Variants in TMEM98 observed in about 807,000 individuals in gnomAD.
The protein encoded by TMEM98 is transmembrane protein 98.
TMEM98 carries 18 observed loss-of-function variants against 25.0 expected under a neutral mutation model. The ratio of observed to expected loss-of-function variants is 0.72; its 90% CI spans 0.50 to 1.07. The LOEUF is 1.07. TMEM98 is among the 50% of genes least tolerant of loss of function. TMEM98 has a pLI of 0.00. For missense variants in TMEM98, 241 were observed against 289.0 expected, an observed-to-expected ratio of 0.83 and a Z score of 1.20; for synonymous variants, 103 against 112.4, an observed-to-expected ratio of 0.92 and a Z score of 0.53.
chr17:32,933,760 G>C (rs1262868509), intron 4 of TMEM98, among the ~76,000 whole-genome samples: 6 of 152,194 alleles, frequency 3.9e-5, no homozygotes, highest in African/African-American at 1.4e-4. Context: ...AGGGTACTGG[G>C]TCAGGTGCTG....
intron 3 of TMEM98, 54 bp from the exon 4 acceptor site, chr17:32,933,120 G>A: frequency 6.2e-7 from 1 of 1,606,198 alleles, no homozygotes; most frequent in Admixed American, 1.7e-5. Context: ...GTGAGGAGAG[G>A]ATCAGCAGCG....
In TMEM98 at chr17:32,941,287, C is replaced by T. The variant is rs1304753342; in HGVS notation, c.*294C>T. 1 of 232,566 alleles carries T rather than the reference C, an allele frequency of 4.3e-6. No individual in the cohort carries two copies. Among genetic ancestry groups the T allele is most frequent in the African/African-American group, 2.3e-5 (1 of 44,362 alleles). 14.4% of individuals were successfully genotyped at this position (232,566 alleles called of 1,614,324 possible). ...CTTTATTTAGCTCACCTAGTGTTTT[C>T]AAGAAAATTGAGCCACCGTCTAAGA... On this transcript the variant is annotated 3_prime_UTR_variant, in exon 8 of 8. Coordinates refer to ENST00000579849, the MANE Select transcript of TMEM98 (RefSeq NM_015544.3).
chr17:32,931,430 C>T (rs959240099), intron 2 of TMEM98, 28 bp downstream of exon 2: 37 of 1,486,550 alleles, frequency 2.5e-5, no homozygotes, highest in Admixed American at 1.3e-4. Context: ...CACTCTCTTT[C>T]GTGGCTTCTT....
chr17:32,940,122 T>C (rs950410602), intron 7 of TMEM98, among the ~76,000 whole-genome samples: 2 of 151,892 alleles, frequency 1.3e-5, no homozygotes, highest in African/African-American at 2.4e-5. Flanking sequence ...CGGCAGTGGG[T>C]CACAGCGCTT....
intron 7 of TMEM98, 50 bp downstream of exon 7, chr17:32,939,586 A>G (rs748593597): frequency 1.9e-6 from 3 of 1,607,624 alleles, no homozygotes; most frequent in Admixed American, 1.7e-5. Flanking sequence ...GAGGTCCACA[A>G]CCGTTTTATC....
chr17:32,940,080 A>G (rs1028579484), intron 7 of TMEM98, among the ~76,000 whole-genome samples: 1 of 152,214 alleles, frequency 6.6e-6, no homozygotes, highest in Non-Finnish European at 1.5e-5. Flanking sequence ...GATTTATATG[A>G]CTGTGTCATA....
At chr17:32,931,004 A>AC (rs1302557386) in intron 1 of TMEM98, 3 of 152,742 alleles carry the variant, frequency 2.0e-5, no homozygotes, top group African/African-American at 7.2e-5. Context: ...GGAGTTCAAG[A>AC]CCAGCCTGGC....
chr17:32,932,840 A>G (rs1253106621), intron 3 of TMEM98, among the ~76,000 whole-genome samples: 1 of 152,246 alleles, frequency 6.6e-6, no homozygotes, highest in Non-Finnish European at 1.5e-5. Context: ...AAAATACATT[A>G]TAGAAGGATA....
intron 1 of TMEM98, among the ~76,000 whole-genome samples, chr17:32,930,187 AAG>A (rs1224941309): frequency 1.3e-5 from 2 of 152,080 alleles, no homozygotes; most frequent in African/African-American, 4.8e-5. Context: ...TGCTTGCACA[AAG>A]AGAGACAAGC....
Position 32,933,264 on chromosome 17 carries a change from T to G in TMEM98, c.222T>G (p.Ile74Met). ...LDDVVITNPH[I>M]EAILENEDWI... ...ATGTCGTTATCACCAACCCCCACAT[T>G]GAGGCCATTCTGGAGAATGAAGACT... Residue 74 changes from isoleucine to methionine, a missense_variant, in exon 4 of 8, where the codon ATT (isoleucine) becomes ATG (methionine). Coordinates refer to ENST00000579849, the MANE Select transcript of TMEM98 (RefSeq NM_015544.3). 1 of 1,614,162 alleles carries G rather than the reference T, an allele frequency of 6.2e-7. No homozygotes were observed. The highest frequency in any genetic ancestry group is 8.5e-7 in the Non-Finnish European group (1 of 1,180,024).
At chr17:32,935,800 CT>C (rs1292446794) in intron 5 of TMEM98, among the ~76,000 whole-genome samples, 1 of 152,160 alleles carries the variant, frequency 6.6e-6, no homozygotes, top group Non-Finnish European at 1.5e-5. Context: ...TCAGTCTTGC[CT>C]TTTCCCTGCT....
At chr17:32,933,153 A>G in intron 3 of TMEM98, 21 bp from the exon 4 acceptor site, 1 of 1,613,642 alleles carries the variant, frequency 6.2e-7, no homozygotes, top group Non-Finnish European at 8.5e-7. Context: ...GAAACCATTT[A>G]ACGGGGGCCT....
Position 32,943,377 on chromosome 17 carries a change from G to C in TMEM98, c.*2384G>C, listed in dbSNP as rs141296385. 3.6e-4 allele frequency: 55 copies of C among 152,328 alleles called. No individual in the cohort carries two copies. Among genetic ancestry groups the C allele is most frequent in the African/African-American group, 1.3e-3 (54 of 41,564 alleles). The allele number at this position is 152,328 out of a possible 1,614,324, so 9.4% of individuals were successfully genotyped here. ...TTACTTCCTCCCTTGGAAGGGGCTGGTTAGTGAGTGCCAGGGATCTCAGGA... is the reference window on the plus strand; with the variant it reads ...TTACTTCCTCCCTTGGAAGGGGCTGCTTAGTGAGTGCCAGGGATCTCAGGA... On this transcript the variant is annotated 3_prime_UTR_variant, in exon 8 of 8. Coordinates refer to ENST00000579849, the MANE Select transcript of TMEM98 (RefSeq NM_015544.3).
At chr17:32,933,147 C>A (rs752312017) in intron 3 of TMEM98, 27 bp from the exon 4 acceptor site, 2 of 1,613,208 alleles carry the variant, frequency 1.2e-6, no homozygotes, top group South Asian at 2.2e-5. Context: ...CACCATGAAA[C>A]CATTTAACGG....
Position 32,936,717 on chromosome 17 carries a change from A to G in TMEM98, c.413+270A>G, listed in dbSNP as rs188197789. ...AGGTGCCTAGTCCTGACCCTGTCCT[A>G]GACCCTGCCCTGCAGAGCCCGTGGC... On this transcript the variant is annotated intron_variant, in intron 6 of 7. Transcript: ENST00000579849. 2.3e-3 allele frequency among the ~76,000 whole-genome samples: 350 copies of G among 152,266 alleles called. 2 individuals carry two copies. The highest frequency in any genetic ancestry group is 0.014 in the Middle Eastern group (4 of 294).
intron 7 of TMEM98, 116 bp downstream of exon 7, chr17:32,939,652 T>C: frequency 7.8e-7 from 1 of 1,274,850 alleles, no homozygotes; most frequent in Non-Finnish European, 1.1e-6. Context: ...TGCAGCCTCC[T>C]TAGGCTGCCC....
chr17:32,938,816 T>C (rs1203342148), intron 6 of TMEM98, among the ~76,000 whole-genome samples: 2 of 152,228 alleles, frequency 1.3e-5, no homozygotes, highest in Non-Finnish European at 2.9e-5. Flanking sequence ...CAACCCCACA[T>C]TTCAGAGCTT....
At chr17:32,938,439 T>C (rs906479900) in intron 6 of TMEM98, among the ~76,000 whole-genome samples, 1 of 152,258 alleles carries the variant, frequency 6.6e-6, no homozygotes, top group Admixed American at 6.5e-5. Flanking sequence ...TTTTTTCAAG[T>C]GCTTTTAGAA....
chr17:32,933,133 C>A (rs202246736), intron 3 of TMEM98, 41 bp from the exon 4 acceptor site: 40 of 1,610,438 alleles, frequency 2.5e-5, no homozygotes, highest in Non-Finnish European at 3.1e-5. Flanking sequence ...CAGCAGCGGT[C>A]ACCCACCATG....
Sources: allele counts gnomAD v4.1 joint callset (sites outside exome capture counted in the v4.1 genomes callset), GRCh38; gene constraint gnomAD v4.1.1; transcripts MANE v1.5; gene names NCBI Gene and HGNC (gene_info 2026-07-23, HGNC 2026-07-21).